The following BBS9 variants were observed in gnomAD, a reference collection of about 807,000 sequenced individuals.
BBS9 encodes protein PTHB1.
Under a neutral mutation model 117.7 loss-of-function variants are expected in BBS9, and 89 were observed. The observed-to-expected ratio is 0.76, with a 90% confidence interval of 0.64 to 0.90. The LOEUF is 0.90. Among genes scored for constraint, BBS9 ranks in the 40% least tolerant of loss-of-function variants. BBS9 has a pLI of 0.00. For synonymous variants in BBS9, 379 were observed against 370.9 expected (o/e 1.02, Z -0.25); for missense variants, 982 against 1,042.2 (o/e 0.94, Z 0.80).
At chr7:33,479,392 T>C (rs1400538891) in intron 19 of BBS9, among the ~76,000 whole-genome samples, 1 of 152,178 alleles carries the variant, frequency 6.6e-6, no homozygotes, top group African/African-American at 2.4e-5. Flanking sequence ...CTAATTCACT[T>C]AGGATAATGG....
chr7:33,381,272 T>G (rs972861915), intron 17 of BBS9, among the ~76,000 whole-genome samples: 25 of 152,188 alleles, frequency 1.6e-4, no homozygotes, highest in Non-Finnish European at 2.6e-4. Flanking sequence ...AGGTCAGCCC[T>G]AATGATTGGT....
chr7:33,392,009 T>C (rs1353658661), intron 19 of BBS9, among the ~76,000 whole-genome samples: 1 of 152,218 alleles, frequency 6.6e-6, no homozygotes, highest in Non-Finnish European at 1.5e-5. Context: ...CTAACACTTC[T>C]ATGCTATGAT....
chr7:33,241,173 A>C (rs1413782132), intron 5 of BBS9, among the ~76,000 whole-genome samples: 1 of 152,096 alleles, frequency 6.6e-6, no homozygotes, highest in Non-Finnish European at 1.5e-5. Context: ...GGCTATTGTG[A>C]ATGAAATCTT....
intron 2 of BBS9, among the ~76,000 whole-genome samples, chr7:33,148,915 A>G (rs1473120840): frequency 6.6e-6 from 1 of 152,094 alleles, no homozygotes; most frequent in East Asian, 1.9e-4. Context: ...TGAGCCACTG[A>G]GCCTGGCCTA....
chr7:33,572,407 A>C (rs1200728058), intron 21 of BBS9, among the ~76,000 whole-genome samples: 1 of 152,122 alleles, frequency 6.6e-6, no homozygotes. Context: ...AAACATGGGA[A>C]TGCAGATCTC....
intron 5 of BBS9, among the ~76,000 whole-genome samples, chr7:33,213,526 T>G (rs1044229544): frequency 2.6e-5 from 4 of 152,194 alleles, no homozygotes; most frequent in African/African-American, 9.6e-5. Context: ...TCTTTTACTT[T>G]TCCCTCTGCA....
downstream of BBS9, among the ~76,000 whole-genome samples, chr7:33,607,867 A>C (rs960975629): frequency 6.6e-6 from 1 of 151,814 alleles, no homozygotes; most frequent in African/African-American, 2.4e-5. Flanking sequence ...ATAGCCATGC[A>C]ATTGATAGCT....
At chr7:33,178,520 T>C (rs1411894227) in intron 5 of BBS9, among the ~76,000 whole-genome samples, 2 of 152,098 alleles carry the variant, frequency 1.3e-5, no homozygotes, top group African/African-American at 2.4e-5. Context: ...GACAGGGTAG[T>C]AGAGGAGCTG....
intron 12 of BBS9, 45 bp from the exon 13 acceptor site, chr7:33,349,023 G>T: frequency 1.5e-6 from 2 of 1,325,066 alleles, no homozygotes; most frequent in South Asian, 1.2e-5. Context: ...CTATCAGTTT[G>T]AATAAAATGT....
At chr7:33,604,030 A>T (rs910047809) in intron 21 of BBS9, among the ~76,000 whole-genome samples, 1 of 152,064 alleles carries the variant, frequency 6.6e-6, no homozygotes, top group East Asian at 1.9e-4. Context: ...GAGGCTTTGG[A>T]CTCTGTGTGT....
At chr7:33,410,137 G>A (rs1382994380) in intron 19 of BBS9, among the ~76,000 whole-genome samples, 1 of 152,160 alleles carries the variant, frequency 6.6e-6, no homozygotes, top group African/African-American at 2.4e-5. Context: ...GCACAGAACA[G>A]TAACATAATT....
chr7:33,596,027 T>G (rs1862696935), intron 21 of BBS9, among the ~76,000 whole-genome samples: 1 of 151,676 alleles, frequency 6.6e-6, no homozygotes, highest in Non-Finnish European at 1.5e-5. Context: ...GTCATGGGGT[T>G]GGAGGCAAGG....
chr7:33,605,884 T>A lies in BBS9; in HGVS notation c.*658T>A, dbSNP rs1168622125. 2 of 152,656 alleles carry A rather than the reference T, an allele frequency of 1.3e-5. No individual in the cohort carries two copies. The highest frequency in any genetic ancestry group is 4.8e-5 in the African/African-American group (2 of 41,456). The allele number at this position is 152,656 out of a possible 1,614,324, so 9.5% of individuals were successfully genotyped here. On this transcript the variant is annotated 3_prime_UTR_variant, in exon 23 of 23. Transcript: ENST00000242067. ...TTTCAAGGAAGCTAGTACATTAACA[T>A]CCCCTTTTCATTACCCCATTGGGTG...
chr7:33,301,113 T>C (rs534428610), intron 9 of BBS9, among the ~76,000 whole-genome samples: 87 of 152,048 alleles, frequency 5.7e-4, no homozygotes, highest in African/African-American at 2.0e-3. Context: ...TTTGTGGGTT[T>C]ACAATATATA....
intron 21 of BBS9, among the ~76,000 whole-genome samples, chr7:33,615,980 G>A (rs1044543860): frequency 9.2e-5 from 14 of 152,092 alleles, no homozygotes; most frequent in African/African-American, 3.1e-4. Flanking sequence ...GGGAAATAAA[G>A]ACTTTCTCAA....
intron 5 of BBS9, among the ~76,000 whole-genome samples, chr7:33,222,088 AT>A (rs1790357466): frequency 6.6e-6 from 1 of 152,194 alleles, no homozygotes; most frequent in Non-Finnish European, 1.5e-5. Context: ...ATGTGTTTGA[AT>A]ATTTTTTGGC....
chr7:33,441,718 G>A (rs1836221510), intron 19 of BBS9, among the ~76,000 whole-genome samples: 1 of 151,992 alleles, frequency 6.6e-6, no homozygotes, highest in South Asian at 2.1e-4. Context: ...CATGACTTTT[G>A]TTTTATCTCA....
At position 33,459,027 on chromosome 7, in the gene BBS9, A is replaced by G. The variant is rs542946161; in HGVS notation, c.2116-46436A>G. On this transcript the variant is annotated intron_variant, in intron 19 of 22. Transcript: ENST00000242067. ...CTTTTCTGCCATGAGGCTTGTTGGC[A>G]GCAGTGGGAATGAAGTTAGGGGATC... Among the ~76,000 whole-genome samples, 4 of 152,230 alleles carry G rather than the reference A, an allele frequency of 2.6e-5. No homozygotes were observed. The East Asian group carries it at 5.8e-4, about 22-fold the overall frequency.
At chr7:33,612,596 A>T (rs375997037) in intron 21 of BBS9, among the ~76,000 whole-genome samples, 2 of 151,652 alleles carry the variant, frequency 1.3e-5, no homozygotes, top group East Asian at 1.9e-4. Context: ...CATCATTTGC[A>T]TGTATATCAT....
Sources: allele counts gnomAD v4.1 joint callset (sites outside exome capture counted in the v4.1 genomes callset), GRCh38; gene constraint gnomAD v4.1.1; transcripts MANE v1.5; gene names NCBI Gene and HGNC (gene_info 2026-07-23, HGNC 2026-07-21).